FKBP6: variants seen among roughly 807,000 people sequenced by gnomAD.
FKBP6 encodes the protein inactive peptidyl-prolyl cis-trans isomerase FKBP6.
A neutral mutation model predicts 41.7 loss-of-function variants in FKBP6; 29 were observed. That is an observed-to-expected ratio of 0.70 (90% CI 0.52 to 0.95). The LOEUF is 0.95. FKBP6 is among the 40% of genes least tolerant of loss of function. The pLI is 0.00. For synonymous variants in FKBP6, 130 were observed against 165.1 expected, an observed-to-expected ratio of 0.79 and a Z score of 1.63; for missense variants, 338 against 408.7, an observed-to-expected ratio of 0.83 and a Z score of 1.49.
intron 7 of FKBP6, 95 bp downstream of exon 7, chr7:73,341,477 G>A: frequency 1.2e-6 from 1 of 859,410 alleles, no homozygotes; most frequent in South Asian, 1.3e-5. Flanking sequence ...GTCTGGCGGT[G>A]TTGCCCAGAG....
At chr7:73,329,080 C>T (rs1346143566) in intron 2 of FKBP6, among the ~76,000 whole-genome samples, 1 of 152,178 alleles carries the variant, frequency 6.6e-6, no homozygotes, top group African/African-American at 2.4e-5. Context: ...GCTGGGATTA[C>T]AAGCATGAGC....
At chr7:73,337,080 A>G in intron 5 of FKBP6, 1 of 319,988 alleles carries the variant, frequency 3.1e-6, no homozygotes, top group Non-Finnish European at 6.2e-6. Context: ...TTTCCAGCTG[A>G]CAACTTGCTT....
chr7:73,329,400 C>G lies in FKBP6; in HGVS notation c.216C>G (p.Phe72Leu). ...SGYLEHMDRPFDSNYFRKTPR... is the reference protein window; with the variant it reads ...SGYLEHMDRPLDSNYFRKTPR... ...ACCTGGAACACATGGACAGACCCTT[C>G]GATTCTAATTACTTTAGGAAAACTC... Residue 72 changes from phenylalanine to leucine, a missense_variant, in exon 3 of 9, where the codon TTC becomes TTG. Phe to Leu is a conservative substitution (Grantham distance 22, BLOSUM62 0). Transcript: ENST00000252037. The G allele has an allele frequency of 1.2e-6, 2 of 1,609,810 alleles. No individual in the cohort carries two copies. Among genetic ancestry groups the G allele is most frequent in the East Asian group, 2.2e-5 (1 of 44,856 alleles).
intron 8 of FKBP6, among the ~76,000 whole-genome samples, chr7:73,354,889 GGCACACGACACCCACC>G (rs1421176057): frequency 6.6e-6 from 1 of 152,120 alleles, no homozygotes; most frequent in Non-Finnish European, 1.5e-5. Flanking sequence ...AGGCAGGGCT[GGCACACGACACCCACC>G]GCCACCGTGG....
chr7:73,342,400 C>T (rs1442101020), intron 7 of FKBP6, among the ~76,000 whole-genome samples: 1 of 152,226 alleles, frequency 6.6e-6, no homozygotes, highest in African/African-American at 2.4e-5. Flanking sequence ...TCTTAGGTTA[C>T]ATTTCAAGCC....
At chr7:73,329,499 T>A (rs370793655) in intron 3 of FKBP6, 50 bp downstream of exon 3, 71 of 1,080,400 alleles carry the variant, frequency 6.6e-5, no homozygotes, top group Non-Finnish European at 1.0e-4. Context: ...AGGGGCTAGA[T>A]GAGGCACGAT....
At chr7:73,337,118 G>C (rs1805028443) in intron 5 of FKBP6, 1 of 290,410 alleles carries the variant, frequency 3.4e-6, no homozygotes, top group African/African-American at 2.2e-5. Context: ...ATGAGAGCAG[G>C]GTTCAGGCGT....
chr7:73,335,584 A>G (rs559634557), intron 5 of FKBP6, among the ~76,000 whole-genome samples: 200 of 152,144 alleles, frequency 1.3e-3, no homozygotes, highest in African/African-American at 4.1e-3. Flanking sequence ...AGACCTCGTG[A>G]TTGCTGAGGC....
chr7:73,346,070 C>T (rs1244618581), intron 8 of FKBP6, among the ~76,000 whole-genome samples: 3 of 152,170 alleles, frequency 2.0e-5, no homozygotes, highest in African/African-American at 4.8e-5. Context: ...TGAAATATGA[C>T]ATCCTATACT....
At chr7:73,338,258 T>A (rs1019310076) in intron 5 of FKBP6, among the ~76,000 whole-genome samples, 2 of 152,148 alleles carry the variant, frequency 1.3e-5, no homozygotes, top group African/African-American at 4.8e-5. Context: ...ACTTCTGACC[T>A]CAGATGATCC....
At chr7:73,334,952 G>A (rs1804957568) in intron 5 of FKBP6, among the ~76,000 whole-genome samples, 1 of 152,156 alleles carries the variant, frequency 6.6e-6, no homozygotes, top group Admixed American at 6.6e-5. Flanking sequence ...CAAGATGAGG[G>A]TCTCTGAGTT....
rs1554547737 is a variant in FKBP6, at chr7:73,331,783, A to G, written c.588+7A>G. ...CAAAGTGAGATATAAAAGGGTGAGA[A>G]TGCTTTGAAAGTTAAGTGTAAGTTT... On this transcript the variant is annotated splice_region_variant and intron_variant, in intron 5 of 8. Coordinates refer to ENST00000252037, the MANE Select transcript of FKBP6 (RefSeq NM_003602.5). The G allele has an allele frequency of 6.2e-7, 1 of 1,613,294 alleles. No individual in the cohort carries two copies. The highest frequency in any genetic ancestry group is 1.3e-5 in the African/African-American group (1 of 75,040).
chr7:73,345,033 T>G (rs1216310164), intron 8 of FKBP6, among the ~76,000 whole-genome samples: 1 of 152,158 alleles, frequency 6.6e-6, no homozygotes, highest in Non-Finnish European at 1.5e-5. Context: ...TTTTCCATCT[T>G]TGCATTTTCT....
intron 8 of FKBP6, among the ~76,000 whole-genome samples, chr7:73,349,282 G>A (rs1805419000): frequency 6.6e-6 from 1 of 151,326 alleles, no homozygotes; most frequent in Admixed American, 6.6e-5. Context: ...GGTGGCACAT[G>A]CCTGTAATCC....
chr7:73,348,035 C>G (rs557274387), intron 8 of FKBP6, among the ~76,000 whole-genome samples: 25 of 152,300 alleles, frequency 1.6e-4, no homozygotes, highest in South Asian at 4.1e-4. Context: ...TCCCTTACTT[C>G]TAGAGGCTTA....
At chr7:73,336,803 A>G (rs1554548615) in intron 5 of FKBP6, 1 of 456,696 alleles carries the variant, frequency 2.2e-6, no homozygotes, top group Non-Finnish European at 4.4e-6. Context: ...AACAGGGTCC[A>G]GGAATGTGTT....
intron 6 of FKBP6, 49 bp from the exon 7 acceptor site, chr7:73,341,224 A>C: frequency 7.5e-7 from 1 of 1,337,228 alleles, no homozygotes. Context: ...GTGCCCAGCC[A>C]AATGATATCT....
chr7:73,341,911 C>G (rs1214528514), intron 7 of FKBP6, among the ~76,000 whole-genome samples: 1 of 151,970 alleles, frequency 6.6e-6, no homozygotes, highest in Non-Finnish European at 1.5e-5. Flanking sequence ...GGTGATCCCC[C>G]CACCTCGTCC....
chr7:73,345,507 G>T (rs909242211), intron 8 of FKBP6, among the ~76,000 whole-genome samples: 1 of 152,166 alleles, frequency 6.6e-6, no homozygotes, highest in African/African-American at 2.4e-5. Flanking sequence ...CAGGACTCCG[G>T]CCTGGTTGGG....
Sources: gnomAD v4.1 joint callset for allele counts (sites outside exome capture counted in the v4.1 genomes callset) on GRCh38, gnomAD v4.1.1 for gene constraint, MANE v1.5 for transcripts, NCBI Gene and HGNC (gene_info 2026-07-23, HGNC 2026-07-21) for gene names.